CTIF: variants seen among roughly 807,000 people sequenced by gnomAD.
CTIF encodes the protein cap binding complex dependent translation initiation factor.
In CTIF, 21 loss-of-function variants were observed where a neutral mutation model predicts 66.0. The observed-to-expected ratio is 0.32, with a 90% confidence interval of 0.23 to 0.46. CTIF has a LOEUF of 0.46. CTIF is among the 20% of genes least tolerant of loss of function. CTIF has a pLI of 1.00. For synonymous variants in CTIF, 345 were observed against 326.4 expected, an observed-to-expected ratio of 1.06 and a Z score of -0.62; for missense variants, 739 against 812.7, an observed-to-expected ratio of 0.91 and a Z score of 1.10.
chr18:48,718,747 C>T (rs1422058639), intron 7 of CTIF, among the ~76,000 whole-genome samples: 6 of 152,150 alleles, frequency 3.9e-5, no homozygotes, highest in Non-Finnish European at 7.4e-5. Context: ...ACCCCCTAGC[C>T]CAGTCAGGTT....
At chr18:48,773,647 A>C (rs1047575150) in intron 9 of CTIF, among the ~76,000 whole-genome samples, 1 of 152,224 alleles carries the variant, frequency 6.6e-6, no homozygotes, top group African/African-American at 2.4e-5. Context: ...CCAGGGGTAC[A>C]TAGCCTGCAT....
intron 10 of CTIF, among the ~76,000 whole-genome samples, chr18:48,853,875 G>A (rs2069265126): frequency 6.6e-6 from 1 of 152,216 alleles, no homozygotes; most frequent in Non-Finnish European, 1.5e-5. Flanking sequence ...AACATGACCA[G>A]TCCCCAGGGT....
intron 6 of CTIF, among the ~76,000 whole-genome samples, chr18:48,702,310 A>G (rs1467431364): frequency 6.6e-6 from 1 of 152,194 alleles, no homozygotes; most frequent in Non-Finnish European, 1.5e-5. Context: ...TGCTGTGCAG[A>G]TGAAAACCAT....
chr18:48,658,711 CTG>C (rs2091288222), intron 3 of CTIF, among the ~76,000 whole-genome samples: 1 of 152,054 alleles, frequency 6.6e-6, no homozygotes, highest in Admixed American at 6.6e-5. Context: ...ATATATGTGT[CTG>C]TGGCATATGT....
intron 7 of CTIF, among the ~76,000 whole-genome samples, chr18:48,715,001 C>T (rs1010708955): frequency 3.3e-5 from 5 of 152,104 alleles, no homozygotes; most frequent in Non-Finnish European, 5.9e-5. Context: ...CTGCAGTGAG[C>T]GGGGAGCTTT....
intron 9 of CTIF, among the ~76,000 whole-genome samples, chr18:48,797,366 C>T (rs901574217): frequency 6.6e-6 from 1 of 152,074 alleles, no homozygotes; most frequent in Non-Finnish European, 1.5e-5. Context: ...GCCTGTAATG[C>T]CAGCTCCTTG....
intron 7 of CTIF, among the ~76,000 whole-genome samples, chr18:48,736,785 C>T (rs1261985145): frequency 6.6e-6 from 1 of 152,152 alleles, no homozygotes; most frequent in South Asian, 2.1e-4. Flanking sequence ...GGCCCGGCCT[C>T]AGGCGGGCAA....
intron 6 of CTIF, among the ~76,000 whole-genome samples, chr18:48,685,491 G>C (rs929820490): frequency 4.6e-5 from 7 of 151,596 alleles, no homozygotes; most frequent in African/African-American, 1.7e-4. Context: ...CCAAAGTGCT[G>C]GCATTACAGG....
At chr18:48,781,256 G>C (rs1344532956) in intron 9 of CTIF, among the ~76,000 whole-genome samples, 1 of 152,220 alleles carries the variant, frequency 6.6e-6, no homozygotes, top group Non-Finnish European at 1.5e-5. Context: ...AAAGCCGTGC[G>C]CCGCAGCGGG....
intron 3 of CTIF, among the ~76,000 whole-genome samples, chr18:48,663,044 G>A (rs1379183391): frequency 6.6e-6 from 1 of 152,082 alleles, no homozygotes; most frequent in Non-Finnish European, 1.5e-5. Context: ...TGGGTCATAC[G>A]GCGTGCACAC....
intron 3 of CTIF, among the ~76,000 whole-genome samples, chr18:48,638,258 G>T (rs941158975): frequency 3.9e-5 from 6 of 152,198 alleles, no homozygotes; most frequent in Non-Finnish European, 8.8e-5. Flanking sequence ...CCAGAGAGAG[G>T]CTTTCAGGAA....
chr18:48,757,324 A>G (rs896157371), intron 7 of CTIF, among the ~76,000 whole-genome samples: 28 of 152,148 alleles, frequency 1.8e-4, no homozygotes, highest in Middle Eastern at 3.4e-3. Flanking sequence ...GGGGGACACA[A>G]TTTAGCCCAT....
Position 48,779,354 on chromosome 18 carries a change from T to C in CTIF, c.1371+17665T>C, listed in dbSNP as rs1910995028. Among the ~76,000 whole-genome samples the C allele has an allele frequency of 2.6e-5, 4 of 152,186 alleles. 1 individual carries two copies. The South Asian group carries it at 8.3e-4, about 32-fold the overall frequency. On this transcript the variant is annotated intron_variant, in intron 9 of 11. Coordinates refer to ENST00000256413, the MANE Select transcript of CTIF (RefSeq NM_014772.3). ...TGGGGAAAGAAAGTTCCAGAGAGCT[T>C]AGGAGGTATACGTCAAGTCACGCAG...
At chr18:48,849,191 C>CTTTTTTTTT (rs892473113) in intron 10 of CTIF, among the ~76,000 whole-genome samples, 1 of 98,984 alleles carries the variant, frequency 1.0e-5, no homozygotes, top group African/African-American at 4.4e-5. Flanking sequence ...CTACCAATGC[C>CTTTTTTTTT]TTTTTTTTTT....
At chr18:48,807,245 CAGA>C (rs1430667058) in intron 9 of CTIF, among the ~76,000 whole-genome samples, 2 of 152,164 alleles carry the variant, frequency 1.3e-5, no homozygotes, top group Non-Finnish European at 2.9e-5. Flanking sequence ...GGCAGATTAC[CAGA>C]AGAATTCCAC....
At chr18:48,842,233 G>A (rs1410280157) in intron 10 of CTIF, among the ~76,000 whole-genome samples, 10 of 152,166 alleles carry the variant, frequency 6.6e-5, no homozygotes, top group East Asian at 5.8e-4. Context: ...CAGGGGCTGC[G>A]GGGATGGGGA....
At chr18:48,590,379 T>G (rs2089863145) in intron 1 of CTIF, among the ~76,000 whole-genome samples, 1 of 152,212 alleles carries the variant, frequency 6.6e-6, no homozygotes, top group Non-Finnish European at 1.5e-5. Context: ...GCCCCTGCCT[T>G]TGTGTCAACC....
chr18:48,545,792 G>A (rs1203522630), intron 1 of CTIF, among the ~76,000 whole-genome samples: 1 of 152,168 alleles, frequency 6.6e-6, no homozygotes, highest in Non-Finnish European at 1.5e-5. Flanking sequence ...GGAAGCATTG[G>A]CCACTGAGCG....
intron 1 of CTIF, among the ~76,000 whole-genome samples, chr18:48,578,980 T>C (rs778144677): frequency 3.4e-4 from 52 of 152,234 alleles, no homozygotes; most frequent in Non-Finnish European, 7.2e-4. Context: ...TACAACGCTC[T>C]GACATTTAGG....
Sources: gnomAD v4.1 joint callset for allele counts (sites outside exome capture counted in the v4.1 genomes callset) on GRCh38, gnomAD v4.1.1 for gene constraint, MANE v1.5 for transcripts, NCBI Gene and HGNC (gene_info 2026-07-23, HGNC 2026-07-21) for gene names.